The following TAF1B variants were observed in gnomAD, a reference collection of about 807,000 sequenced individuals.
The protein encoded by TAF1B is TATA box-binding protein-associated factor RNA polymerase I subunit B.
Under a neutral mutation model 83.9 loss-of-function variants are expected in TAF1B, and 61 were observed. The ratio of observed to expected loss-of-function variants is 0.73; its 90% CI spans 0.59 to 0.90. TAF1B has a LOEUF of 0.90. TAF1B is among the 40% of genes least tolerant of loss of function. The pLI is 0.00. For synonymous variants in TAF1B, 221 were observed against 224.6 expected (o/e 0.98, Z 0.14); for missense variants, 625 against 677.0 (o/e 0.92, Z 0.85).
chr2:9,874,362 C>T (rs187895546), intron 6 of TAF1B, among the ~76,000 whole-genome samples: 3 of 152,246 alleles, frequency 2.0e-5, no homozygotes, highest in East Asian at 1.9e-4. Flanking sequence ...TATAAAGTAG[C>T]GCATCTCTCT....
chr2:9,917,362 A>G (rs1478488492), intron 12 of TAF1B, among the ~76,000 whole-genome samples: 1 of 152,250 alleles, frequency 6.6e-6, no homozygotes, highest in Non-Finnish European at 1.5e-5. Flanking sequence ...ACTTCCTAGT[A>G]TTAAAAATAA....
intron 8 of TAF1B, among the ~76,000 whole-genome samples, chr2:9,899,868 CA>C (rs1472627734): frequency 6.6e-6 from 1 of 152,142 alleles, no homozygotes; most frequent in East Asian, 1.9e-4. Context: ...TTGTCTCCTG[CA>C]TTTTAAAAAT....
At position 9,849,438 on chromosome 2, in the gene TAF1B, GC is replaced by G; in HGVS notation, c.184del (p.Asn66ThrfsTer26). ...CCCAAATAAAAGCCCTCAACCGGGGGCTTAAAAAAAAAAACAATACTGGTAA... is the reference window on the plus strand; with the variant it reads ...CCCAAATAAAAGCCCTCAACCGGGGGTTAAAAAAAAAAACAATACTGGTAA... ...NTQIKALNRG[L>X]KKKNNTEKGW... On this transcript the variant is annotated frameshift_variant, in exon 3 of 15. Coordinates refer to ENST00000263663, the MANE Select transcript of TAF1B (RefSeq NM_005680.3). LOFTEE classifies it high-confidence loss of function. The G allele has an allele frequency of 6.4e-7, 1 of 1,573,326 alleles. No individual in the cohort carries two copies. Among genetic ancestry groups the G allele is most frequent in the South Asian group, 1.2e-5 (1 of 84,442 alleles).
intron 8 of TAF1B, among the ~76,000 whole-genome samples, chr2:9,902,295 G>T (rs1306904201): frequency 6.7e-6 from 1 of 148,706 alleles, no homozygotes; most frequent in Non-Finnish European, 1.5e-5. Context: ...CATCATAAAT[G>T]TATAGACAGT....
At chr2:9,915,609 A>G (rs1675115198) in intron 12 of TAF1B, among the ~76,000 whole-genome samples, 1 of 152,234 alleles carries the variant, frequency 6.6e-6, no homozygotes, top group Non-Finnish European at 1.5e-5. Flanking sequence ...GAATGGTTCA[A>G]AACAAAACAA....
intron 14 of TAF1B, among the ~76,000 whole-genome samples, chr2:9,920,600 G>A (rs746578355): frequency 3.6e-4 from 54 of 151,288 alleles, no homozygotes; most frequent in Non-Finnish European, 5.0e-4. Context: ...GGGTCCATTT[G>A]CCCCTCAGGT....
At chr2:9,901,891 T>TA (rs577118385) in intron 8 of TAF1B, among the ~76,000 whole-genome samples, 42 of 149,600 alleles carry the variant, frequency 2.8e-4, no homozygotes, top group Middle Eastern at 6.9e-3. Context: ...ATCCCAACAT[T>TA]AAAAAAAAAA....
At chr2:9,896,407 C>T (rs1032236741) in intron 8 of TAF1B, among the ~76,000 whole-genome samples, 1 of 152,114 alleles carries the variant, frequency 6.6e-6, no homozygotes. Flanking sequence ...ATTTTCTTCC[C>T]CCCTTCCATG....
chr2:9,919,643 C>T lies in TAF1B; in HGVS notation c.1388C>T (p.Ser463Leu), dbSNP rs146360523. The change falls in exon 14 of 15, where the codon TCA (serine) becomes TTA (leucine). Residue 463 changes from serine to leucine, a missense_variant. By Grantham distance (145) the Ser-to-Leu change is moderately radical (BLOSUM62 -2). Transcript: ENST00000263663. Reference sequence around the variant, plus strand: ...AAACAATTTAGCACACTGGTCGAGTCAACAGCAACTGCTGGAAAAAAAAGC... The same window carrying T: ...AAACAATTTAGCACACTGGTCGAGTTAACAGCAACTGCTGGAAAAAAAAGC... The part of the protein sequence containing the change: ...LQKQFSTLVE[S>L]TATAGKKSPS... The T allele has an allele frequency of 1.5e-4, 243 of 1,614,052 alleles. No individual in the cohort carries two copies. Among genetic ancestry groups the T allele is most frequent in the Middle Eastern group, 8.2e-4 (5 of 6,062 alleles).
chr2:9,928,492 C>A (rs1230897339), intron 14 of TAF1B, among the ~76,000 whole-genome samples: 1 of 152,148 alleles, frequency 6.6e-6, no homozygotes, highest in Non-Finnish European at 1.5e-5. Flanking sequence ...TATCCATGAC[C>A]ATGGAATGTT....
intron 3 of TAF1B, among the ~76,000 whole-genome samples, chr2:9,851,158 G>T (rs1176677138): frequency 2.0e-5 from 3 of 152,074 alleles, no homozygotes; most frequent in Non-Finnish European, 4.4e-5. Context: ...TTAGGATTCT[G>T]CTGGGCATTG....
intron 14 of TAF1B, among the ~76,000 whole-genome samples, chr2:9,922,998 C>T (rs1194074026): frequency 2.6e-5 from 4 of 152,142 alleles, no homozygotes; most frequent in African/African-American, 9.7e-5. Context: ...AATCCTAGCA[C>T]TTAGGGAGGC....
intron 12 of TAF1B, among the ~76,000 whole-genome samples, chr2:9,916,370 G>A (rs1222889745): frequency 6.6e-6 from 1 of 152,204 alleles, no homozygotes; most frequent in Admixed American, 6.5e-5. Context: ...TTTGGAAGAA[G>A]CTTTCATTTC....
At chr2:9,924,019 T>C (rs550155275) in intron 14 of TAF1B, among the ~76,000 whole-genome samples, 152 of 152,298 alleles carry the variant, frequency 1.0e-3, no homozygotes, top group Admixed American at 2.0e-3. Context: ...TACTGCAGTA[T>C]AATGCAGTGA....
intron 14 of TAF1B, among the ~76,000 whole-genome samples, chr2:9,926,322 ATTGC>A (rs1158001989): frequency 6.6e-6 from 1 of 152,144 alleles, no homozygotes. Context: ...AGGCCCATAT[ATTGC>A]AAGTGGTTGA....
chr2:9,860,035 CAA>C (rs1415659902), intron 5 of TAF1B, among the ~76,000 whole-genome samples: 1 of 152,160 alleles, frequency 6.6e-6, no homozygotes, highest in Non-Finnish European at 1.5e-5. Flanking sequence ...TCCATGGCAG[CAA>C]GAGAGAGAGA....
chr2:9,909,435 G>A (rs577261574), intron 9 of TAF1B, among the ~76,000 whole-genome samples: 2 of 152,356 alleles, frequency 1.3e-5, no homozygotes, highest in Admixed American at 1.3e-4. Context: ...CCTGAGATGA[G>A]GAATGGGGGA....
At chr2:9,910,647 T>C in intron 9 of TAF1B, 89 bp from the exon 10 acceptor site, 1 of 1,150,712 alleles carries the variant, frequency 8.7e-7, no homozygotes. Context: ...CATAGTGTCG[T>C]GTTTTAAGAT....
chr2:9,903,019 C>G (rs369819502), intron 8 of TAF1B, among the ~76,000 whole-genome samples: 2 of 152,140 alleles, frequency 1.3e-5, no homozygotes, highest in Admixed American at 1.3e-4. Context: ...TTATCTTATT[C>G]ATGTTTTTAT....
Sources: allele counts gnomAD v4.1 joint callset (sites outside exome capture counted in the v4.1 genomes callset), GRCh38; gene constraint gnomAD v4.1.1; transcripts MANE v1.5; gene names NCBI Gene and HGNC (gene_info 2026-07-23, HGNC 2026-07-21).